PIP5K1A: variants seen among roughly 807,000 people sequenced by gnomAD.
PIP5K1A encodes the protein phosphatidylinositol-4-phosphate 5-kinase type 1 alpha, also known as phosphatidylinositol 4-phosphate 5-kinase type-1 alpha.
Under a neutral mutation model 72.9 loss-of-function variants are expected in PIP5K1A, and 46 were observed. That is an observed-to-expected ratio of 0.63 (90% CI 0.50 to 0.81). PIP5K1A has a LOEUF of 0.81. PIP5K1A is among the 30% of genes least tolerant of loss of function. PIP5K1A has a pLI of 0.00. For missense variants in PIP5K1A, 458 were observed against 706.1 expected (o/e 0.65, Z 3.98); for synonymous variants, 228 against 255.1 (o/e 0.89, Z 1.01).
intron 11 of PIP5K1A, 125 bp downstream of exon 11, chr1:151,239,303 C>T (rs1286378703): frequency 1.3e-5 from 8 of 606,268 alleles, no homozygotes; most frequent in South Asian, 2.1e-5. Flanking sequence ...GACAGGGTCT[C>T]ACTCTGTCAC....
At chr1:151,240,847 G>A (rs587625753) in intron 12 of PIP5K1A, among the ~76,000 whole-genome samples, 2 of 152,272 alleles carry the variant, frequency 1.3e-5, no homozygotes, top group South Asian at 4.1e-4. Flanking sequence ...GCACATACAT[G>A]CTAAGAAAAT....
chr1:151,205,237 G>A (rs1057426117), intron 1 of PIP5K1A, among the ~76,000 whole-genome samples: 1 of 152,112 alleles, frequency 6.6e-6, no homozygotes, highest in Non-Finnish European at 1.5e-5. Context: ...GTGCAGTGGT[G>A]CGATCTTGGC....
intron 15 of PIP5K1A, among the ~76,000 whole-genome samples, chr1:151,247,390 G>A (rs1692661916): frequency 6.6e-6 from 1 of 151,754 alleles, no homozygotes; most frequent in Non-Finnish European, 1.5e-5. Flanking sequence ...GCCTCTCAAA[G>A]TGCTGGGATT....
chr1:151,213,475 T>C (rs1172731462), intron 1 of PIP5K1A: 1 of 152,166 alleles, frequency 6.6e-6, no homozygotes, highest in East Asian at 1.9e-4. Context: ...ATCCCTGTTT[T>C]ATAGGAGAGT....
At position 151,224,241 on chromosome 1, in the gene PIP5K1A, CT is replaced by C. The variant is rs756619481; in HGVS notation, c.86-3del. ...TCTTATGATTGTTTTTTTTTCCCCC[CT>C]AGCAGCATCTGGAATCAAGAGACCC... On this transcript the variant is annotated splice_region_variant and splice_polypyrimidine_tract_variant and intron_variant, in intron 1 of 15. Coordinates refer to ENST00000368888, the MANE Select transcript of PIP5K1A (RefSeq NM_001135638.2). 39 of 1,612,306 alleles carry C rather than the reference CT, an allele frequency of 2.4e-5. No homozygotes were observed. Among genetic ancestry groups the C allele is most frequent in the South Asian group, 1.3e-4 (12 of 91,032 alleles).
chr1:151,198,444 G>A, upstream of PIP5K1A: 1 of 231,860 alleles, frequency 4.3e-6, no homozygotes, highest in South Asian at 4.6e-5. Context: ...AGGGCGTGAG[G>A]ACCCACCTCA....
chr1:151,243,975 C>T (rs587632169), intron 14 of PIP5K1A, among the ~76,000 whole-genome samples: 2 of 152,126 alleles, frequency 1.3e-5, no homozygotes, highest in Non-Finnish European at 2.9e-5. Context: ...ATCAGCCCTC[C>T]GTATCCACAG....
At chr1:151,236,084 G>C (rs896797636) in intron 8 of PIP5K1A, among the ~76,000 whole-genome samples, 1 of 145,944 alleles carries the variant, frequency 6.9e-6, no homozygotes, top group Non-Finnish European at 1.5e-5. Flanking sequence ...TCGCGCCACT[G>C]TACTCCAGCC....
chr1:151,238,286 A>G (rs1204782123), intron 10 of PIP5K1A, 21 bp downstream of exon 10: 1 of 1,437,810 alleles, frequency 7.0e-7, no homozygotes, highest in African/African-American at 1.4e-5. Context: ...TATGGATCCC[A>G]AATTAAGAGA....
intron 14 of PIP5K1A, among the ~76,000 whole-genome samples, chr1:151,243,645 T>G (rs1411021398): frequency 6.6e-6 from 1 of 152,196 alleles, no homozygotes; most frequent in African/African-American, 2.4e-5. Flanking sequence ...TGAGTCTTCC[T>G]TTTTCATCAA....
At position 151,246,923 on chromosome 1, in the gene PIP5K1A, A is replaced by C. The variant is rs1692591130; in HGVS notation, c.1644A>C (p.Thr548=). 6.2e-7 allele frequency: 1 copy of C among 1,612,474 alleles called. No individual in the cohort carries two copies. The highest frequency in any genetic ancestry group is 1.3e-5 in the African/African-American group (1 of 74,842). ...GETLQMLTTS[T]TLEKLEVAES... ...TCCATTTTTTTTCTCCTGTTAGTAC[A>C]ACCTTGGAAAAGCTTGAAGTTGCAG... The change falls in exon 15 of 16, where the codon ACA becomes ACC. Residue 548 remains threonine, a synonymous_variant. Transcript: ENST00000368888.
At chr1:151,214,457 T>G (rs1687291604) in intron 1 of PIP5K1A, among the ~76,000 whole-genome samples, 1 of 152,078 alleles carries the variant, frequency 6.6e-6, no homozygotes, top group African/African-American at 2.4e-5. Context: ...CTCGGCTCAC[T>G]GCTGCCTCTG....
At chr1:151,238,133 C>G (rs765494786) in intron 9 of PIP5K1A, 49 bp from the exon 10 acceptor site, 3 of 1,241,988 alleles carry the variant, frequency 2.4e-6, no homozygotes, top group Non-Finnish European at 2.4e-6. Flanking sequence ...CCTGATCTGA[C>G]TAAACTAGCC....
chr1:151,220,523 G>A (rs1395098971), intron 1 of PIP5K1A, among the ~76,000 whole-genome samples: 3 of 151,080 alleles, frequency 2.0e-5, no homozygotes, highest in Non-Finnish European at 2.9e-5. Context: ...GCAGGAGTGC[G>A]ATGGTGCGAT....
At chr1:151,224,125 A>AGC in intron 1 of PIP5K1A, 120 bp from the exon 2 acceptor site, 1 of 885,144 alleles carries the variant, frequency 1.1e-6, no homozygotes, top group Non-Finnish European at 1.9e-6. Context: ...GGTATTACTG[A>AGC]GCAAGAGGCA....
At chr1:151,197,087 C>A (rs935676329), upstream of PIP5K1A, among the ~76,000 whole-genome samples, 1 of 150,654 alleles carries the variant, frequency 6.6e-6, no homozygotes, top group Non-Finnish European at 1.5e-5. Context: ...GTCTCGTACT[C>A]CTGAGCTCAG....
intron 14 of PIP5K1A, among the ~76,000 whole-genome samples, chr1:151,243,606 C>G (rs587638452): frequency 7.2e-5 from 11 of 152,322 alleles, no homozygotes; most frequent in African/African-American, 2.2e-4. Flanking sequence ...GTTCTTGGCT[C>G]TACCCTCTAG....
At chr1:151,240,249 A>G (rs1691496806) in intron 12 of PIP5K1A, 8 of 551,024 alleles carry the variant, frequency 1.5e-5, no homozygotes, top group Non-Finnish European at 6.4e-6. Flanking sequence ...CTTCCTGCAT[A>G]TGTCAATGAG....
chr1:151,208,581 G>A (rs950919583), intron 1 of PIP5K1A, among the ~76,000 whole-genome samples: 1 of 150,882 alleles, frequency 6.6e-6, no homozygotes, highest in Non-Finnish European at 1.5e-5. Flanking sequence ...GGCTGGTCTC[G>A]AACTCCTGAC....
Sources: allele counts gnomAD v4.1 joint callset (sites outside exome capture counted in the v4.1 genomes callset), GRCh38; gene constraint gnomAD v4.1.1; transcripts MANE v1.5; gene names NCBI Gene and HGNC (gene_info 2026-07-23, HGNC 2026-07-21).